Variants in GRM7 observed in about 807,000 individuals in gnomAD.
GRM7 encodes metabotropic glutamate receptor 7.
A neutral mutation model predicts 84.5 loss-of-function variants in GRM7; 35 were observed. That is an observed-to-expected ratio of 0.41 (90% CI 0.32 to 0.55). The LOEUF (loss-of-function observed/expected upper bound fraction) is 0.55. Ranked by LOEUF, GRM7 falls within the 20% of genes least tolerant of loss-of-function variation. GRM7 has a pLI of 0.19. For synonymous variants in GRM7, 487 were observed against 455.1 expected (o/e 1.07, Z -0.89); for missense variants, 1,003 against 1,194.6 (o/e 0.84, Z 2.36).
chr3:7,324,083 A>G (rs569132730), intron 4 of GRM7, among the ~76,000 whole-genome samples: 1 of 152,242 alleles, frequency 6.6e-6, no homozygotes, highest in African/African-American at 2.4e-5. Context: ...GGAAACCAGT[A>G]CTGTGTGAAT....
At chr3:7,438,228 G>GC (rs1406321438) in intron 5 of GRM7, among the ~76,000 whole-genome samples, 2 of 152,046 alleles carry the variant, frequency 1.3e-5, no homozygotes, top group African/African-American at 4.8e-5. Flanking sequence ...CAGTGAGGAG[G>GC]CCATACAGCA....
intron 8 of GRM7, among the ~76,000 whole-genome samples, chr3:7,628,507 T>G (rs1237083788): frequency 6.6e-6 from 1 of 152,220 alleles, no homozygotes; most frequent in Non-Finnish European, 1.5e-5. Context: ...AGAAAGAACA[T>G]GTTGAACTGT....
intron 1 of GRM7, among the ~76,000 whole-genome samples, chr3:6,945,998 G>A (rs540738225): frequency 1.5e-3 from 225 of 152,042 alleles, no homozygotes; most frequent in African/African-American, 5.1e-3. Context: ...ATTTTCTCCC[G>A]TTTTGTAGGT....
chr3:7,306,273 T>G (rs1362221535), intron 3 of GRM7, among the ~76,000 whole-genome samples: 1 of 152,120 alleles, frequency 6.6e-6, no homozygotes, highest in East Asian at 2.0e-4. Flanking sequence ...TATCTTTTTA[T>G]CTTTTAACAA....
At chr3:6,870,096 A>G (rs1695072825) in intron 1 of GRM7, among the ~76,000 whole-genome samples, 2 of 150,210 alleles carry the variant, frequency 1.3e-5, no homozygotes, top group Admixed American at 1.3e-4. Context: ...CTCAGCTTAC[A>G]TTCTCATGTG....
chr3:7,616,018 C>G (rs906837129), intron 8 of GRM7, among the ~76,000 whole-genome samples: 1 of 151,864 alleles, frequency 6.6e-6, no homozygotes, highest in Non-Finnish European at 1.5e-5. Flanking sequence ...TAATTTTATT[C>G]AGGTTTCTAG....
At chr3:6,865,927 G>A (rs1412496980) in intron 1 of GRM7, among the ~76,000 whole-genome samples, 1 of 152,028 alleles carries the variant, frequency 6.6e-6, no homozygotes, top group Non-Finnish European at 1.5e-5. Context: ...AACAATCTCT[G>A]CCTCCACATT....
chr3:7,525,828 T>C, intron 7 of GRM7, among the ~76,000 whole-genome samples: 1 of 151,288 alleles, frequency 6.6e-6, no homozygotes, highest in South Asian at 2.1e-4. Context: ...TATTTCTGTA[T>C]TGATTCACTT....
intron 2 of GRM7, among the ~76,000 whole-genome samples, chr3:7,209,294 A>G (rs1696343459): frequency 6.6e-6 from 1 of 152,192 alleles, no homozygotes; most frequent in African/African-American, 2.4e-5. Context: ...TAACTTGAAT[A>G]CTGTTTGAAC....
chr3:7,640,171 C>A (rs1159233022), intron 8 of GRM7, among the ~76,000 whole-genome samples: 1 of 152,118 alleles, frequency 6.6e-6, no homozygotes, highest in Non-Finnish European at 1.5e-5. Context: ...TAGTTGATGA[C>A]CAACGCATGT....
intron 2 of GRM7, among the ~76,000 whole-genome samples, chr3:7,279,818 A>G (rs552835739): frequency 1.4e-4 from 21 of 152,280 alleles, no homozygotes; most frequent in African/African-American, 4.6e-4. Flanking sequence ...TGTGAGAAAG[A>G]GACACTTACA....
At chr3:6,891,311 C>T (rs1233130021) in intron 1 of GRM7, among the ~76,000 whole-genome samples, 1 of 152,176 alleles carries the variant, frequency 6.6e-6, no homozygotes, top group African/African-American at 2.4e-5. Context: ...TTAGTTGATG[C>T]AGTTTCTTCC....
rs369466423 is a variant in GRM7, at chr3:7,419,283, G to A, written c.1174+4120G>A. On this transcript the variant is annotated intron_variant, in intron 5 of 9. Coordinates refer to ENST00000357716, the MANE Select transcript of GRM7 (RefSeq NM_000844.4). ...TGAAGCGCAAGGCTTAAGAAATTTCGGTGCTTTAACACAGAGTGTGTGTCC... is the reference window on the plus strand; with the variant it reads ...TGAAGCGCAAGGCTTAAGAAATTTCAGTGCTTTAACACAGAGTGTGTGTCC... Among the ~76,000 whole-genome samples the A allele has an allele frequency of 4.3e-4, 66 of 152,164 alleles. No homozygotes were observed. In the South Asian group the frequency reaches 0.012, roughly 29 times the overall value.
chr3:7,331,796 G>GTAGCTCTC (rs1173304545), intron 4 of GRM7, among the ~76,000 whole-genome samples: 1 of 152,174 alleles, frequency 6.6e-6, no homozygotes, highest in African/African-American at 2.4e-5. Flanking sequence ...CAGCACAGAG[G>GTAGCTCTC]TAGCTCTCTA....
At chr3:7,453,029 A>AT (rs60916756) in intron 6 of GRM7, among the ~76,000 whole-genome samples, 16,914 of 141,846 alleles carry the variant, frequency 0.12, 1,069 homozygotes, top group South Asian at 0.17. Context: ...TGAAATAGAG[A>AT]TTTTTTTTTT....
chr3:7,532,715 G>C (rs1000083087), intron 7 of GRM7, among the ~76,000 whole-genome samples: 2 of 149,482 alleles, frequency 1.3e-5, no homozygotes, highest in African/African-American at 4.9e-5. Flanking sequence ...GTGATGTTAG[G>C]GTGTCAATTT....
chr3:7,699,883 A>T (rs1398544706), intron 9 of GRM7, among the ~76,000 whole-genome samples: 1 of 152,178 alleles, frequency 6.6e-6, no homozygotes, highest in African/African-American at 2.4e-5. Flanking sequence ...CTAGGGTCAG[A>T]GTTACAGGCT....
chr3:7,368,470 G>A (rs1410751809), intron 4 of GRM7, among the ~76,000 whole-genome samples: 1 of 151,934 alleles, frequency 6.6e-6, no homozygotes, highest in African/African-American at 2.4e-5. Flanking sequence ...TGATGGTAAT[G>A]GATAATTTAC....
At chr3:7,676,769 C>T (rs1351024834) in intron 8 of GRM7, among the ~76,000 whole-genome samples, 1 of 152,062 alleles carries the variant, frequency 6.6e-6, no homozygotes, top group East Asian at 1.9e-4. Flanking sequence ...TTACAATTGC[C>T]CACAGTATTC....
Sources: allele counts gnomAD v4.1 joint callset (sites outside exome capture counted in the v4.1 genomes callset), GRCh38; gene constraint gnomAD v4.1.1; transcripts MANE v1.5; gene names NCBI Gene and HGNC (gene_info 2026-07-23, HGNC 2026-07-21).